Variants in SV2B observed in about 807,000 individuals in gnomAD.
SV2B encodes the protein solute carrier family 22 member B2.
In SV2B, 41 loss-of-function variants were observed where a neutral mutation model predicts 73.9. The observed-to-expected ratio is 0.56, with a 90% CI of 0.43 to 0.72. The LOEUF (loss-of-function observed/expected upper bound fraction) is 0.72. Ranked by LOEUF, SV2B falls within the 30% of genes least tolerant of loss-of-function variation. The pLI, the probability that SV2B is intolerant of heterozygous loss-of-function variation, is 0.00. For missense variants in SV2B, 764 were observed against 857.8 expected (o/e 0.89, Z 1.37); for synonymous variants, 314 against 314.2 (o/e 1.00, Z 0.01).
At chr15:91,168,874 A>C (rs528606745) in intron 1 of SV2B, among the ~76,000 whole-genome samples, 107 of 152,342 alleles carry the variant, frequency 7.0e-4, no homozygotes, top group African/African-American at 2.5e-3. Context: ...TCCCAGGTAC[A>C]TTATTGATAA....
rs370996431 is a variant in SV2B, at chr15:91,284,202, T to C, written c.1689T>C (p.Ile563=). The stretch of plus-strand genomic sequence containing the variant: ...TTTCTGCCCTGCTCATGGATAGAAT[T>C]GGAAGGCTCAAGATGATTGGTGAGT... The part of the protein sequence containing the change: ...NIISALLMDR[I]GRLKMIGGSM... The change falls in exon 11 of 13, where the codon ATT becomes ATC. Residue 563 remains isoleucine (I), a synonymous_variant. Transcript: ENST00000394232. The surrounding 1 kb of genome is among the most constrained non-coding windows in gnomAD (Gnocchi z 4.5). 1.9e-6 allele frequency: 3 copies of C among 1,614,066 alleles called. No individual in the cohort carries two copies. The highest frequency in any genetic ancestry group is 1.3e-5 in the African/African-American group (1 of 74,934).
In SV2B at chr15:91,197,800, G is replaced by A. The variant is rs1027018757; in HGVS notation, c.-391-28073G>A. Among the ~76,000 whole-genome samples, 6 of 152,060 alleles carry A rather than the reference G, an allele frequency of 3.9e-5. No homozygotes were observed. The highest frequency in any genetic ancestry group is 9.7e-5 in the African/African-American group (4 of 41,418). ...TGTAATCCCAGCACTTTGGGAGGCC[G>A]AGATGGGTGGATCACCTGAGGTCAG... On this transcript the variant is annotated intron_variant, in intron 1 of 12. Transcript: ENST00000394232. This position sits in a 1 kb window ranked among gnomAD's most constrained non-coding sequence, Gnocchi z 4.9.
In SV2B at chr15:91,110,950, C is replaced by T. The variant is rs2042018230; in HGVS notation, c.-392+10587C>T. Among the ~76,000 whole-genome samples the T allele has an allele frequency of 6.6e-6, 1 of 152,184 alleles. No homozygotes were observed. The highest frequency in any genetic ancestry group is 1.5e-5 in the Non-Finnish European group (1 of 68,038). On this transcript the variant is annotated intron_variant, in intron 1 of 12. Coordinates refer to ENST00000394232, the MANE Select transcript of SV2B (RefSeq NM_001323032.3). This position sits in a 1 kb window ranked among gnomAD's most constrained non-coding sequence, Gnocchi z 5.4. ...AAACTTAAGGCAAAGAAGAGAAACT[C>T]AAATGGGACAATGGAGAAGTAGATG...
Position 91,145,422 on chromosome 15 carries a change from C to T in SV2B, c.-392+45059C>T, listed in dbSNP as rs538689517. Among the ~76,000 whole-genome samples, 20 of 152,178 alleles carry T rather than the reference C, an allele frequency of 1.3e-4. No homozygotes were observed. The South Asian group carries it at 3.9e-3, about 30-fold the overall frequency. Reference sequence around the variant, plus strand: ...CATTTAGGTTGATTCCATGTCTTTGCTATTGTGAATAATGCTGCAATGAAC... The same window carrying T: ...CATTTAGGTTGATTCCATGTCTTTGTTATTGTGAATAATGCTGCAATGAAC... On this transcript the variant is annotated intron_variant, in intron 1 of 12. Coordinates refer to ENST00000394232, the MANE Select transcript of SV2B (RefSeq NM_001323032.3).
intron 1 of SV2B, among the ~76,000 whole-genome samples, chr15:91,211,373 A>C (rs1371348050): frequency 6.6e-6 from 1 of 152,214 alleles, no homozygotes; most frequent in African/African-American, 2.4e-5. Context: ...GATGATAGCC[A>C]TGGCAGTCTT....
chr15:91,279,891 C>A (rs777224818), intron 9 of SV2B, among the ~76,000 whole-genome samples: 9 of 152,212 alleles, frequency 5.9e-5, no homozygotes, highest in Non-Finnish European at 1.2e-4. Context: ...CCATGGAAAT[C>A]TGAAGAATTT....
intron 1 of SV2B, among the ~76,000 whole-genome samples, chr15:91,155,842 AAGGT>A (rs1274006034): frequency 6.6e-6 from 1 of 152,106 alleles, no homozygotes; most frequent in Non-Finnish European, 1.5e-5. Flanking sequence ...CCAGACCGTT[AAGGT>A]AGATAGTTGT....
Position 91,121,355 on chromosome 15 carries a change from G to A in SV2B, c.-392+20992G>A, listed in dbSNP as rs2042329721. Among the ~76,000 whole-genome samples, 1 of 151,938 alleles carries A rather than the reference G, an allele frequency of 6.6e-6. No homozygotes were observed. Among genetic ancestry groups the A allele is most frequent in the South Asian group, 2.1e-4 (1 of 4,808 alleles). ...ACTTAAGCCAGAATCTCTAGGGATGGGAGTATAAATTGAATTTTTTAAAAA... is the reference window on the plus strand; with the variant it reads ...ACTTAAGCCAGAATCTCTAGGGATGAGAGTATAAATTGAATTTTTTAAAAA... On this transcript the variant is annotated intron_variant, in intron 1 of 12. Transcript: ENST00000394232. The surrounding 1 kb of genome is among the most constrained non-coding windows in gnomAD (Gnocchi z 4.4).
intron 1 of SV2B, among the ~76,000 whole-genome samples, chr15:91,189,382 A>G (rs1313567437): frequency 1.3e-5 from 2 of 152,208 alleles, no homozygotes; most frequent in South Asian, 4.2e-4. Context: ...ATTTTTATGT[A>G]TTTTATATAC....
At position 91,290,282 on chromosome 15, in the gene SV2B, A is replaced by T. The variant is rs116726322; in HGVS notation, c.1868+602A>T. On this transcript the variant is annotated intron_variant, in intron 12 of 12. Transcript: ENST00000394232. The surrounding 1 kb of genome is among the most constrained non-coding windows in gnomAD (Gnocchi z 4.7). ...CCTGTGGTCAAAAAGGAATGTGAAG[A>T]GGTAAGGAAGGTGGGTAAATGAAAT... is the stretch of plus-strand genomic sequence containing the variant. Among the ~76,000 whole-genome samples, 941 of 152,282 alleles carry T rather than the reference A, an allele frequency of 6.2e-3. 6 individuals are homozygous for T. Among genetic ancestry groups the T allele is most frequent in the African/African-American group, 0.016 (680 of 41,548 alleles).
chr15:91,234,141 A>G lies in SV2B; in HGVS notation c.451+7427A>G, dbSNP rs894964974. Among the ~76,000 whole-genome samples the G allele has an allele frequency of 6.6e-6, 1 of 152,208 alleles. No homozygotes were observed. The highest frequency in any genetic ancestry group is 2.1e-4 in the South Asian group (1 of 4,830). ...ATAGTAAATGAAGTCGAAATGCCAGACCTATGTTGGTTTATGGTAGAGGAA... is the reference window on the plus strand; with the variant it reads ...ATAGTAAATGAAGTCGAAATGCCAGGCCTATGTTGGTTTATGGTAGAGGAA... On this transcript the variant is annotated intron_variant, in intron 2 of 12. Coordinates refer to ENST00000394232, the MANE Select transcript of SV2B (RefSeq NM_001323032.3). The surrounding 1 kb of genome is among the most constrained non-coding windows in gnomAD (Gnocchi z 5.6).
At chr15:91,152,884 A>G (rs1031231735) in intron 1 of SV2B, among the ~76,000 whole-genome samples, 1 of 152,234 alleles carries the variant, frequency 6.6e-6, no homozygotes, top group Admixed American at 6.5e-5. Context: ...CCATAACAAA[A>G]TACCTGAGAC....
intron 9 of SV2B, among the ~76,000 whole-genome samples, chr15:91,276,883 A>T (rs1314377433): frequency 6.8e-6 from 1 of 147,412 alleles, no homozygotes; most frequent in Non-Finnish European, 1.5e-5. Context: ...GCGCAATGGC[A>T]TGATCTCAGC....
At chr15:91,269,589 C>T (rs1387637067) in intron 9 of SV2B, among the ~76,000 whole-genome samples, 1 of 152,234 alleles carries the variant, frequency 6.6e-6, no homozygotes. Flanking sequence ...TCTGGTGTCT[C>T]AGTAAAGTCC....
chr15:91,283,008 G>C lies in SV2B; in HGVS notation c.1508-1013G>C, dbSNP rs757701608. Among the ~76,000 whole-genome samples, 2 of 152,170 alleles carry C rather than the reference G, an allele frequency of 1.3e-5. No homozygotes were observed. The highest frequency in any genetic ancestry group is 2.9e-5 in the Non-Finnish European group (2 of 68,030). Reference sequence around the variant, plus strand: ...TTACCATGGAGATTCTTGCAAACACGTGTAGTCAGGAAATGTCAGAGCTGG... The same window carrying C: ...TTACCATGGAGATTCTTGCAAACACCTGTAGTCAGGAAATGTCAGAGCTGG... On this transcript the variant is annotated intron_variant, in intron 10 of 12. Coordinates refer to ENST00000394232, the MANE Select transcript of SV2B (RefSeq NM_001323032.3). The surrounding 1 kb of genome is among the most constrained non-coding windows in gnomAD (Gnocchi z 4.3).
At chr15:91,247,023 A>T (rs1179689024) in intron 2 of SV2B, among the ~76,000 whole-genome samples, 1 of 152,234 alleles carries the variant, frequency 6.6e-6, no homozygotes, top group Non-Finnish European at 1.5e-5. Flanking sequence ...TAACATAGCC[A>T]TTCCAGAGAC....
At chr15:91,263,663 C>A (rs962254480) in intron 6 of SV2B, among the ~76,000 whole-genome samples, 10 of 150,314 alleles carry the variant, frequency 6.7e-5, no homozygotes, top group Non-Finnish European at 1.2e-4. Flanking sequence ...CAGACACAGG[C>A]ACACACAGAC....
chr15:91,224,500 A>G lies in SV2B; in HGVS notation c.-391-1373A>G, dbSNP rs1437968079. The stretch of plus-strand genomic sequence containing the variant: ...TGGAGAGAGCTGTGGGCAAATCTGG[A>G]TTTCTGAGCTTGAAGCAGCCCTTCT... On this transcript the variant is annotated intron_variant, in intron 1 of 12. Transcript: ENST00000394232. This position sits in a 1 kb window ranked among gnomAD's most constrained non-coding sequence, Gnocchi z 4.9. Among the ~76,000 whole-genome samples the G allele has an allele frequency of 6.6e-6, 1 of 152,140 alleles. No individual in the cohort carries two copies. The highest frequency in any genetic ancestry group is 1.5e-5 in the Non-Finnish European group (1 of 68,010).
intron 1 of SV2B, among the ~76,000 whole-genome samples, chr15:91,112,198 G>A (rs1013342311): frequency 1.3e-5 from 2 of 152,122 alleles, no homozygotes; most frequent in East Asian, 1.9e-4. Context: ...GTAGCAGGAC[G>A]CCCACTAGAA....
Sources: allele counts gnomAD v4.1 joint callset (sites outside exome capture counted in the v4.1 genomes callset), GRCh38; gene constraint gnomAD v4.1.1; non-coding constraint Gnocchi (gnomAD v3.1); transcripts MANE v1.5; gene names NCBI Gene and HGNC (gene_info 2026-07-23, HGNC 2026-07-21).